Variants in APOC2 observed in about 807,000 individuals in gnomAD.
The protein encoded by APOC2 is apolipoprotein C2.
In APOC2, 6 loss-of-function variants were observed where a neutral mutation model predicts 10.2. That is an observed-to-expected ratio of 0.59 (90% CI 0.32 to 1.16). The LOEUF is 1.16. Ranked by LOEUF, APOC2 falls within the 50% of genes most tolerant of loss-of-function variation. APOC2 has a pLI of 0.05. For missense variants in APOC2, 110 were observed against 117.6 expected, an observed-to-expected ratio of 0.94 and a Z score of 0.30; for synonymous variants, 56 against 48.5, an observed-to-expected ratio of 1.15 and a Z score of -0.64.
chr19:44,947,789 G>A (rs1284202558), intron 1 of APOC2, among the ~76,000 whole-genome samples: 1 of 152,106 alleles, frequency 6.6e-6, no homozygotes, highest in Non-Finnish European at 1.5e-5. Flanking sequence ...CAAAAATCAG[G>A]TGGGGCACAG....
chr19:44,948,688 T>A lies in APOC2; in HGVS notation c.56-13T>A. ...AGCCCCACGGGCTCTCCTGACACAC[T>A]CTCCCCCTGCAGAGGTCCAGGGGAC... On this transcript the variant is annotated splice_polypyrimidine_tract_variant and intron_variant, in intron 2 of 3. Coordinates refer to ENST00000252490, the MANE Select transcript of APOC2 (RefSeq NM_000483.5). The A allele has an allele frequency of 6.2e-7, 1 of 1,613,420 alleles. No individual in the cohort carries two copies. Among genetic ancestry groups the A allele is most frequent in the Non-Finnish European group, 8.5e-7 (1 of 1,179,848 alleles).
In APOC2 at chr19:44,949,329, C is replaced by G. The variant is rs2122211310; in HGVS notation, c.*80C>G. The G allele has an allele frequency of 1.9e-6, 2 of 1,041,760 alleles. No individual in the cohort carries two copies. The highest frequency in any genetic ancestry group is 2.7e-5 in the South Asian group (2 of 75,414). 64.5% of individuals were successfully genotyped at this position (1,041,760 alleles called of 1,614,324 possible). On this transcript the variant is annotated 3_prime_UTR_variant, in exon 4 of 4. Coordinates refer to ENST00000252490, the MANE Select transcript of APOC2 (RefSeq NM_000483.5). ...CCAGGTTCAGACTGAGCTCCCCCTT[C>G]CCAGTAGCTCTTGCATCCTCCTCCC...
At chr19:44,946,191 C>G (rs1970316886) in intron 1 of APOC2, 116 bp downstream of exon 1, 1 of 134,116 alleles carries the variant, frequency 7.5e-6, no homozygotes, top group Non-Finnish European at 1.6e-5. Flanking sequence ...GGAACCATGA[C>G]TGTGTGTGTG....
rs891899433 is a variant in APOC2 at position 44,948,301 on chromosome 19, G to A, written c.-13-165G>A. 2.0e-5 allele frequency: 13 copies of A among 659,342 alleles called. No homozygotes were observed. In the African/African-American group the frequency reaches 2.2e-4, roughly 11 times the overall value. 40.8% of individuals were successfully genotyped at this position (659,342 alleles called of 1,614,324 possible). On this transcript the variant is annotated intron_variant, in intron 1 of 3. Transcript: ENST00000252490. ...GTAGAATCACAGAATGTTGGAAAGT[G>A]AGGCCCAAGAAGGGGGCTGTGTCCA...
intron 1 of APOC2, among the ~76,000 whole-genome samples, chr19:44,946,508 A>C (rs1970323303): frequency 6.6e-6 from 1 of 151,338 alleles, no homozygotes; most frequent in African/African-American, 2.4e-5. Flanking sequence ...GGTGACAGAG[A>C]AACCCCATTT....
intron 1 of APOC2, 116 bp from the exon 2 acceptor site, chr19:44,948,350 T>A: frequency 1.1e-6 from 1 of 871,660 alleles, no homozygotes. Context: ...GAAACTTGAC[T>A]GGGACACCGA....
intron 1 of APOC2, among the ~76,000 whole-genome samples, chr19:44,947,549 C>G (rs1481755866): frequency 3.3e-5 from 5 of 152,134 alleles, no homozygotes; most frequent in African/African-American, 4.8e-5. Context: ...ACTCCCAGCA[C>G]CCTGGGGAGG....
chr19:44,947,085 G>A (rs1970330086), intron 1 of APOC2: 1 of 152,164 alleles, frequency 6.6e-6, no homozygotes, highest in Non-Finnish European at 1.5e-5. Flanking sequence ...CCGGAAGACA[G>A]AGGTTGCGGT....
intron 1 of APOC2, 190 bp from the exon 2 acceptor site, chr19:44,948,276 G>A (rs1970343766): frequency 3.3e-6 from 2 of 613,002 alleles, no homozygotes; most frequent in Non-Finnish European, 5.9e-6. Context: ...AAAATCAGGA[G>A]TAGAATCACA....
In APOC2 at chr19:44,949,257, A is replaced by AC. The variant is rs780705725; in HGVS notation, c.*14dup. The AC allele has an allele frequency of 9.3e-6, 15 of 1,611,462 alleles. No individual in the cohort carries two copies. Among genetic ancestry groups the AC allele is most frequent in the Admixed American group, 1.7e-5 (1 of 59,636 alleles). On this transcript the variant is annotated 3_prime_UTR_variant, in exon 4 of 4. Coordinates refer to ENST00000252490, the MANE Select transcript of APOC2 (RefSeq NM_000483.5). ...CTGAAGGGAGAGGAGTAACAGCCAGACCCCCCATCAGTGGACAAGGGGAGA... is the reference window on the plus strand; with the variant it reads ...CTGAAGGGAGAGGAGTAACAGCCAGACCCCCCCATCAGTGGACAAGGGGAGA...
intron 1 of APOC2, among the ~76,000 whole-genome samples, chr19:44,946,546 G>A (rs1970323759): frequency 6.6e-6 from 1 of 152,060 alleles, no homozygotes; most frequent in Admixed American, 6.6e-5. Context: ...AAAGGGATAG[G>A]TACAATGGCT....
In APOC2 at chr19:44,948,770, A is replaced by G. The variant is rs1970350981; in HGVS notation, c.125A>G (p.Glu42Gly). Residue 42 changes from glutamate (E) to glycine (G), a missense_variant, in exon 3 of 4, where the codon GAA becomes GGA. Transcript: ENST00000252490. ...CCGACCTTCCTCACCCAGGTGAAGG[A>G]ATCTCTCTCCAGTTACTGGGAGTCA... is the stretch of plus-strand genomic sequence containing the variant. ...PSPTFLTQVK[E>G]SLSSYWESAK... The G allele has an allele frequency of 6.2e-7, 1 of 1,614,036 alleles. No homozygotes were observed. Among genetic ancestry groups the G allele is most frequent in the South Asian group, 1.1e-5 (1 of 91,090 alleles).
chr19:44,949,243 G>A lies in APOC2; in HGVS notation c.300G>A (p.Glu100=), dbSNP rs1001285509. ...AAGTTCTTTCTGTGCTGAAGGGAGA[G>A]GAGTAACAGCCAGACCCCCCATCAG... ...TDQVLSVLKG[E]E The change falls in exon 4 of 4, where the codon GAG becomes GAA. Residue 100 remains glutamate (E), a synonymous_variant. Transcript: ENST00000252490. 2.5e-6 allele frequency: 4 copies of A among 1,613,472 alleles called. No individual in the cohort carries two copies. Among genetic ancestry groups the A allele is most frequent in the Non-Finnish European group, 3.4e-6 (4 of 1,179,726 alleles).
chr19:44,949,525 A>T lies in APOC2; in HGVS notation c.*276A>T. ...AGCTCTAACCCATGGGTCCATGGGA[A>T]TAAAGCAGTGAATAGTAACAATAAA... On this transcript the variant is annotated 3_prime_UTR_variant, in exon 4 of 4. Coordinates refer to ENST00000252490, the MANE Select transcript of APOC2 (RefSeq NM_000483.5). 2.0e-6 allele frequency: 1 copy of T among 491,310 alleles called. No homozygotes were observed. The highest frequency in any genetic ancestry group is 3.7e-6 in the Non-Finnish European group (1 of 269,536). The allele number at this position is 491,310 out of a possible 1,614,324, so 30.4% of individuals were successfully genotyped here.
At position 44,948,718 on chromosome 19, in the gene APOC2, C is replaced by T; in HGVS notation, c.73C>T (p.Gln25Ter). ...VLGFEVQGTQQPQQDEMPSPT... is the reference protein window; with the variant it reads ...VLGFEVQGTQ ...CCCTGCAGAGGTCCAGGGGACCCAA[C>T]AGCCCCAGCAAGATGAGATGCCTAG... The change falls in exon 3 of 4, where the codon CAG becomes TAG. Residue 25 changes from glutamine (Q) to a stop codon, truncating the protein, a stop_gained. Coordinates refer to ENST00000252490, the MANE Select transcript of APOC2 (RefSeq NM_000483.5). LOFTEE classifies it high-confidence loss of function. The T allele has an allele frequency of 6.2e-7, 1 of 1,614,154 alleles. No individual in the cohort carries two copies. Among genetic ancestry groups the T allele is most frequent in the Non-Finnish European group, 8.5e-7 (1 of 1,180,022 alleles).
intron 1 of APOC2, among the ~76,000 whole-genome samples, chr19:44,946,365 A>C (rs1482718500): frequency 6.6e-6 from 1 of 152,054 alleles, no homozygotes; most frequent in East Asian, 1.9e-4. Flanking sequence ...ACACTCCACA[A>C]ATCACAGAAT....
At chr19:44,948,896 A>G in intron 3 of APOC2, 36 bp downstream of exon 3, 1 of 1,607,294 alleles carries the variant, frequency 6.2e-7, no homozygotes, top group East Asian at 2.2e-5. Context: ...GGTCTGGCCC[A>G]TACCACCGAC....
In APOC2 at chr19:44,949,428, G is replaced by C. The variant is rs1047488935; in HGVS notation, c.*179G>C. 2 of 628,060 alleles carry C rather than the reference G, an allele frequency of 3.2e-6. No homozygotes were observed. The highest frequency in any genetic ancestry group is 1.9e-5 in the African/African-American group (1 of 52,460). The allele number at this position is 628,060 out of a possible 1,614,324, so 38.9% of individuals were successfully genotyped here. Reference sequence around the variant, plus strand: ...CTCATGGATGGCACTGCTTTTCTGAGGACTCAAGGGCCAAGATGGAGGGGC... The same window carrying C: ...CTCATGGATGGCACTGCTTTTCTGACGACTCAAGGGCCAAGATGGAGGGGC... On this transcript the variant is annotated 3_prime_UTR_variant, in exon 4 of 4. Transcript: ENST00000252490.
At position 44,948,839 on chromosome 19, in the gene APOC2, CCG is replaced by C. The variant is rs751214954; in HGVS notation, c.196_197del (p.Ala66CysfsTer3). ...AACCTGTACGAGAAGACATACCTGC[CCG>C]CTGTAGATGAGAAACTCAGGTAGCA... On this transcript the variant is annotated frameshift_variant, in exon 3 of 4. Coordinates refer to ENST00000252490, the MANE Select transcript of APOC2 (RefSeq NM_000483.5). LOFTEE classifies it low-confidence loss of function (END_TRUNC). 16 of 1,613,462 alleles carry C rather than the reference CCG, an allele frequency of 9.9e-6. No homozygotes were observed. The Admixed American group carries it at 1.3e-4, about 13-fold the overall frequency.
Sources: gnomAD v4.1 joint callset for allele counts (sites outside exome capture counted in the v4.1 genomes callset) on GRCh38, gnomAD v4.1.1 for gene constraint, MANE v1.5 for transcripts, NCBI Gene and HGNC (gene_info 2026-07-23, HGNC 2026-07-21) for gene names.